The following ANKS1B variants were observed in gnomAD, a reference collection of about 807,000 sequenced individuals.
ANKS1B encodes ankyrin repeat and sterile alpha motif domain containing 1B.
ANKS1B carries 36 observed loss-of-function variants against 148.3 expected under a neutral mutation model. The ratio of observed to expected loss-of-function variants is 0.24; its 90% CI spans 0.19 to 0.32. The LOEUF (loss-of-function observed/expected upper bound fraction) is 0.32. Among genes scored for constraint, ANKS1B ranks in the 10% least tolerant of loss-of-function variants. ANKS1B has a pLI of 1.00. For synonymous variants in ANKS1B, 542 were observed against 560.8 expected, an observed-to-expected ratio of 0.97 and a Z score of 0.47; for missense variants, 1,157 against 1,542.6, an observed-to-expected ratio of 0.75 and a Z score of 4.19.
At chr12:98,757,941 T>TGTGTGTGTGTGTGCAC (rs796917620) in intron 25 of ANKS1B, among the ~76,000 whole-genome samples, 131 of 150,960 alleles carry the variant, frequency 8.7e-4, no homozygotes, top group African/African-American at 2.8e-3. Flanking sequence ...TGTGCACGTG[T>TGTGTGTGTGTGTGCAC]GTGTGTGTGT....
chr12:98,882,063 TTAA>T (rs1254543228), intron 17 of ANKS1B, among the ~76,000 whole-genome samples: 2 of 152,132 alleles, frequency 1.3e-5, no homozygotes, highest in African/African-American at 4.8e-5. Context: ...GATCTTTTCT[TTAA>T]TAATAACTTC....
chr12:99,540,762 G>A (rs540624705), intron 9 of ANKS1B, among the ~76,000 whole-genome samples: 3 of 151,680 alleles, frequency 2.0e-5, no homozygotes, highest in Admixed American at 2.0e-4. Flanking sequence ...TAAATTGAAA[G>A]CAAGCAGAAA....
At position 99,310,802 on chromosome 12, in the gene ANKS1B, T is replaced by C. The variant is rs77842331; in HGVS notation, c.1757-63938A>G. Among the ~76,000 whole-genome samples, 948 of 152,290 alleles carry C rather than the reference T, an allele frequency of 6.2e-3. 7 individuals carry two copies. The highest frequency in any genetic ancestry group is 0.022 in the African/African-American group (915 of 41,566). ...ATCTATCTGTCTGTCTACATCCTAT[T>C]GTTTCTATTTCTTTGGAGAATCCTG... On this transcript the variant is annotated intron_variant, in intron 12 of 26. Transcript: ENST00000683438.
intron 4 of ANKS1B, among the ~76,000 whole-genome samples, chr12:99,785,865 C>T (rs1353713595): frequency 2.0e-5 from 3 of 151,942 alleles, no homozygotes; most frequent in Non-Finnish European, 4.4e-5. Context: ...GACTGAAATG[C>T]CCTTGAATTA....
At chr12:99,609,175 G>T (rs1363004609) in intron 9 of ANKS1B, among the ~76,000 whole-genome samples, 1 of 151,988 alleles carries the variant, frequency 6.6e-6, no homozygotes, top group Non-Finnish European at 1.5e-5. Context: ...AGACACCTTA[G>T]AAAAAGCCTG....
At chr12:99,222,227 C>T (rs2085237208) in intron 14 of ANKS1B, among the ~76,000 whole-genome samples, 1 of 152,040 alleles carries the variant, frequency 6.6e-6, no homozygotes, top group Admixed American at 6.6e-5. Context: ...GTGTGGTTGC[C>T]TATTGGGAAG....
chr12:99,197,075 A>G (rs1417217983), intron 14 of ANKS1B, among the ~76,000 whole-genome samples: 1 of 152,088 alleles, frequency 6.6e-6, no homozygotes, highest in Non-Finnish European at 1.5e-5. Flanking sequence ...TACCACACCT[A>G]ATTGCTAAGG....
At chr12:99,169,114 C>A (rs2077490710) in intron 14 of ANKS1B, among the ~76,000 whole-genome samples, 1 of 152,028 alleles carries the variant, frequency 6.6e-6, no homozygotes, top group Non-Finnish European at 1.5e-5. Flanking sequence ...AAGCATTTTG[C>A]CAGGCGGTGG....
chr12:99,702,966 G>A (rs1038051171), intron 8 of ANKS1B, among the ~76,000 whole-genome samples: 1 of 151,882 alleles, frequency 6.6e-6, no homozygotes, highest in African/African-American at 2.4e-5. Context: ...GAAAGACAGG[G>A]TCTAATTTCA....
At chr12:99,550,361 G>A (rs2097206608) in intron 9 of ANKS1B, among the ~76,000 whole-genome samples, 1 of 152,094 alleles carries the variant, frequency 6.6e-6, no homozygotes, top group South Asian at 2.1e-4. Flanking sequence ...CGGTGGCTTA[G>A]GCCTGTAATC....
intron 17 of ANKS1B, among the ~76,000 whole-genome samples, chr12:98,960,638 A>C (rs1052034987): frequency 6.6e-6 from 1 of 152,168 alleles, no homozygotes; most frequent in African/African-American, 2.4e-5. Flanking sequence ...CAGGAAAAAT[A>C]ATCTTACCAA....
At chr12:99,945,027 T>A (rs1011973826) in intron 1 of ANKS1B, among the ~76,000 whole-genome samples, 1 of 152,112 alleles carries the variant, frequency 6.6e-6, no homozygotes, top group African/African-American at 2.4e-5. Context: ...CAACCACTCT[T>A]CTAAGTGCCA....
rs150821092 is a variant in ANKS1B, at chr12:99,574,283, C to T, written c.1273-69642G>A. Reference sequence around the variant, plus strand: ...AGCACTTCCCAATAAATCACCTACACGTAAATCTTAGTTGTAGAGTCTTTT... The same window carrying T: ...AGCACTTCCCAATAAATCACCTACATGTAAATCTTAGTTGTAGAGTCTTTT... On this transcript the variant is annotated intron_variant, in intron 9 of 26. Transcript: ENST00000683438. Among the ~76,000 whole-genome samples, 20 of 152,198 alleles carry T rather than the reference C, an allele frequency of 1.3e-4. No individual in the cohort carries two copies. The East Asian group carries it at 2.7e-3, about 21-fold the overall frequency.
At chr12:99,424,358 G>A (rs567183588) in intron 11 of ANKS1B, among the ~76,000 whole-genome samples, 3 of 152,066 alleles carry the variant, frequency 2.0e-5, no homozygotes, top group Non-Finnish European at 4.4e-5. Context: ...TGCTTTTGAG[G>A]AAGTAAAATA....
In ANKS1B at chr12:99,226,943, CA is replaced by C. The variant is rs550360752; in HGVS notation, c.2419+17398del. Among the ~76,000 whole-genome samples, 183 of 152,278 alleles carry C rather than the reference CA, an allele frequency of 1.2e-3. 1 individual carries two copies. The highest frequency in any genetic ancestry group is 4.1e-3 in the African/African-American group (169 of 41,544). On this transcript the variant is annotated intron_variant, in intron 14 of 26. Coordinates refer to ENST00000683438, the MANE Select transcript of ANKS1B (RefSeq NM_001352186.2). ...GAAACTTAGAGGTAAAATTGAGTGA[CA>C]GGGCGGAGCTAAGCAGACATCATGA...
At chr12:99,175,817 C>T (rs1331327285) in intron 14 of ANKS1B, among the ~76,000 whole-genome samples, 1 of 152,068 alleles carries the variant, frequency 6.6e-6, no homozygotes, top group Non-Finnish European at 1.5e-5. Context: ...GGTTTCTGTA[C>T]ACTGTGTTTT....
At chr12:99,461,152 C>G (rs1265941149) in intron 10 of ANKS1B, among the ~76,000 whole-genome samples, 1 of 152,022 alleles carries the variant, frequency 6.6e-6, no homozygotes, top group East Asian at 1.9e-4. Context: ...AACTGGTGAC[C>G]ATTATTCTAA....
intron 12 of ANKS1B, among the ~76,000 whole-genome samples, chr12:99,371,778 T>C (rs2093149352): frequency 6.6e-6 from 1 of 152,152 alleles, no homozygotes; most frequent in African/African-American, 2.4e-5. Flanking sequence ...AACATTCCTG[T>C]GAAAAATATT....
intron 9 of ANKS1B, among the ~76,000 whole-genome samples, chr12:99,549,124 T>C (rs963410681): frequency 6.6e-6 from 1 of 152,136 alleles, no homozygotes; most frequent in African/African-American, 2.4e-5. Context: ...ACCGAAACTC[T>C]AGATAGGTCA....
Sources: allele counts gnomAD v4.1 joint callset (sites outside exome capture counted in the v4.1 genomes callset), GRCh38; gene constraint gnomAD v4.1.1; transcripts MANE v1.5; gene names NCBI Gene and HGNC (gene_info 2026-07-23, HGNC 2026-07-21).